Variants in MCF2L observed in about 807,000 individuals in gnomAD.
MCF2L encodes the protein MCF.2 cell line derived transforming sequence like.
Under a neutral mutation model 153.4 loss-of-function variants are expected in MCF2L, and 97 were observed. The observed-to-expected ratio is 0.63, with a 90% confidence interval of 0.54 to 0.75. The LOEUF (loss-of-function observed/expected upper bound fraction) is 0.75. MCF2L is among the 30% of genes least tolerant of loss of function. The pLI is 0.00. For synonymous variants in MCF2L, 659 were observed against 632.2 expected (o/e 1.04, Z -0.64); for missense variants, 1,347 against 1,495.2 (o/e 0.90, Z 1.64).
At chr13:113,092,303 T>G (rs1364505732) in intron 26 of MCF2L, among the ~76,000 whole-genome samples, 1 of 152,162 alleles carries the variant, frequency 6.6e-6, no homozygotes, top group African/African-American at 2.4e-5. Flanking sequence ...CCTTGCAGGG[T>G]CTCGAGAAAG....
chr13:112,950,677 G>T (rs2081683057), intron 2 of MCF2L, among the ~76,000 whole-genome samples: 1 of 152,142 alleles, frequency 6.6e-6, no homozygotes, highest in Non-Finnish European at 1.5e-5. Context: ...TGTCCACAGG[G>T]AGACAAAAGA....
At chr13:112,900,913 T>G (rs887532233) in intron 1 of MCF2L, among the ~76,000 whole-genome samples, 16 of 59,174 alleles carry the variant, frequency 2.7e-4, no homozygotes, top group African/African-American at 9.0e-4. Context: ...AGGTCTGACC[T>G]GAGGGATGGG....
intron 2 of MCF2L, chr13:112,957,732 C>T (rs994250626): frequency 6.6e-6 from 1 of 152,054 alleles, no homozygotes; most frequent in African/African-American, 2.4e-5. Context: ...CTTAAGTTAC[C>T]TCTAACCTAT....
In MCF2L at chr13:113,054,196, GT is replaced by G. The variant is rs990397723; in HGVS notation, c.370-6395del. The G allele has an allele frequency of 3.6e-5, 6 of 167,444 alleles. No individual in the cohort carries two copies. The highest frequency in any genetic ancestry group is 7.3e-5 in the Non-Finnish European group (5 of 68,210). 10.4% of individuals were successfully genotyped at this position (167,444 alleles called of 1,614,324 possible). On this transcript the variant is annotated intron_variant, in intron 4 of 29. Coordinates refer to ENST00000535094, the MANE Select transcript of MCF2L (RefSeq NM_001112732.3). This position sits in a 1 kb window ranked among gnomAD's most constrained non-coding sequence, Gnocchi z 5.2. Reference sequence around the variant, plus strand: ...ATCTCAGGATCCTGGATGCACGCCTGTTCTCCAGGTCTGCTTCCCGTGAAAT... The same window carrying G: ...ATCTCAGGATCCTGGATGCACGCCTGTCTCCAGGTCTGCTTCCCGTGAAAT...
chr13:112,982,967 G>A lies in MCF2L; in HGVS notation c.79+13509G>A, dbSNP rs141647876. ...TGGGGCTGGGGCTGGGGCGCAGCTC[G>A]TCCCCGAGTCCATGGTGGTGACGCT... On this transcript the variant is annotated intron_variant, in intron 1 of 29. Coordinates refer to ENST00000535094, the MANE Select transcript of MCF2L (RefSeq NM_001112732.3). Among the ~76,000 whole-genome samples the A allele has an allele frequency of 5.3e-5, 8 of 152,214 alleles. No homozygotes were observed. In the East Asian group the frequency reaches 7.7e-4, roughly 15 times the overall value.
At position 112,969,361 on chromosome 13, in the gene MCF2L, A is replaced by T; in HGVS notation, c.-19A>T. Reference sequence around the variant, plus strand: ...CGGAGGAAGCGGATCTGCCAGGATCATTTTTGTTGTGTCGGAGGATGAGGT... The same window carrying T: ...CGGAGGAAGCGGATCTGCCAGGATCTTTTTTGTTGTGTCGGAGGATGAGGT... On this transcript the variant is annotated 5_prime_UTR_variant, in exon 1 of 30. Transcript: ENST00000535094. The surrounding 1 kb of genome is among the most constrained non-coding windows in gnomAD (Gnocchi z 4.8). The T allele has an allele frequency of 6.5e-7, 1 of 1,549,836 alleles. No homozygotes were observed. Among genetic ancestry groups the T allele is most frequent in the Non-Finnish European group, 8.7e-7 (1 of 1,146,540 alleles).
rs2086790272 is a variant in MCF2L, at chr13:113,046,028, G to A, written c.369+667G>A. The A allele has an allele frequency of 6.4e-6, 1 of 155,706 alleles. No individual in the cohort carries two copies. Among genetic ancestry groups the A allele is most frequent in the Non-Finnish European group, 1.4e-5 (1 of 70,340 alleles). 9.6% of individuals were successfully genotyped at this position (155,706 alleles called of 1,614,324 possible). On this transcript the variant is annotated intron_variant, in intron 4 of 29. Coordinates refer to ENST00000535094, the MANE Select transcript of MCF2L (RefSeq NM_001112732.3). This position sits in a 1 kb window ranked among gnomAD's most constrained non-coding sequence, Gnocchi z 4.4. Reference sequence around the variant, plus strand: ...ACTTTCCCTTGGCATCCGAGAGTCTGTTTGCAGATTCTGCACGCTGCCTTC... The same window carrying A: ...ACTTTCCCTTGGCATCCGAGAGTCTATTTGCAGATTCTGCACGCTGCCTTC...
chr13:112,925,268 A>G (rs2081390680), intron 2 of MCF2L, among the ~76,000 whole-genome samples: 1 of 152,200 alleles, frequency 6.6e-6, no homozygotes, highest in African/African-American at 2.4e-5. Flanking sequence ...CAGAAGTGGG[A>G]TACCAGTGCT....
chr13:113,004,314 C>T (rs2083553555), intron 1 of MCF2L, among the ~76,000 whole-genome samples: 1 of 152,222 alleles, frequency 6.6e-6, no homozygotes, highest in Non-Finnish European at 1.5e-5. Flanking sequence ...TGGTGGTCCT[C>T]TTCACCTTGG....
chr13:113,012,771 G>A (rs1190562002), intron 1 of MCF2L, among the ~76,000 whole-genome samples: 70 of 112,428 alleles, frequency 6.2e-4, no homozygotes, highest in African/African-American at 2.1e-3. Context: ...GTGGACAGGC[G>A]GTGTGGACGG....
At chr13:112,952,810 T>A (rs900944074) in intron 2 of MCF2L, among the ~76,000 whole-genome samples, 3 of 152,240 alleles carry the variant, frequency 2.0e-5, no homozygotes, top group African/African-American at 4.8e-5. Context: ...GGTTTCACTG[T>A]GCTGGAGCTC....
At chr13:112,994,089 C>T (rs1379543957) in intron 1 of MCF2L, among the ~76,000 whole-genome samples, 3 of 152,142 alleles carry the variant, frequency 2.0e-5, no homozygotes, top group Admixed American at 6.5e-5. Context: ...CGGGGTGCGG[C>T]GCTTGGGACC....
At position 112,983,973 on chromosome 13, in the gene MCF2L, C is replaced by A. The variant is rs1287134142; in HGVS notation, c.79+14515C>A. 6.6e-6 allele frequency among the ~76,000 whole-genome samples: 1 copy of A among 152,210 alleles called. No individual in the cohort carries two copies. The highest frequency in any genetic ancestry group is 2.4e-5 in the African/African-American group (1 of 41,452). The stretch of plus-strand genomic sequence containing the variant: ...GAGACGGTGCTGGGAGAAAATGTAG[C>A]TGCAGGTGGAGATTTTCTGATAACC... On this transcript the variant is annotated intron_variant, in intron 1 of 29. Coordinates refer to ENST00000535094, the MANE Select transcript of MCF2L (RefSeq NM_001112732.3). This position sits in a 1 kb window ranked among gnomAD's most constrained non-coding sequence, Gnocchi z 4.0.
At chr13:112,994,031 G>A (rs943810950) in intron 1 of MCF2L, among the ~76,000 whole-genome samples, 10 of 152,166 alleles carry the variant, frequency 6.6e-5, no homozygotes, top group Non-Finnish European at 1.5e-4. Context: ...GGTCCCAGCC[G>A]ACCCTCCGCC....
At chr13:113,086,913 G>A (rs927681018) in intron 21 of MCF2L, among the ~76,000 whole-genome samples, 2 of 152,130 alleles carry the variant, frequency 1.3e-5, no homozygotes, top group Admixed American at 6.5e-5. Flanking sequence ...ACTGAGGGCC[G>A]TTCCCCTTGG....
At chr13:112,975,809 C>T (rs747679011) in intron 1 of MCF2L, among the ~76,000 whole-genome samples, 11 of 152,190 alleles carry the variant, frequency 7.2e-5, no homozygotes, top group Non-Finnish European at 1.0e-4. Context: ...TGCGGTCGCA[C>T]GGTGATAGAG....
At chr13:112,903,775 C>A (rs1285771978) in intron 2 of MCF2L, among the ~76,000 whole-genome samples, 1 of 152,166 alleles carries the variant, frequency 6.6e-6, no homozygotes, top group Non-Finnish European at 1.5e-5. Context: ...ACCAGGTGCT[C>A]TCATTATTCC....
chr13:112,955,397 A>G (rs529714785), intron 2 of MCF2L, among the ~76,000 whole-genome samples: 6 of 152,296 alleles, frequency 3.9e-5, no homozygotes, highest in Admixed American at 3.3e-4. Flanking sequence ...GGCTATTTCC[A>G]TGGCCCATTT....
At chr13:113,001,935 CT>C in intron 1 of MCF2L, 1 of 1,595,846 alleles carries the variant, frequency 6.3e-7, no homozygotes. Flanking sequence ...GCTGTCACTG[CT>C]GTGCCGGGAC....
Sources: gnomAD v4.1 joint callset for allele counts (sites outside exome capture counted in the v4.1 genomes callset) on GRCh38, gnomAD v4.1.1 for gene constraint, Gnocchi (gnomAD v3.1) non-coding constraint, MANE v1.5 for transcripts, NCBI Gene and HGNC (gene_info 2026-07-23, HGNC 2026-07-21) for gene names.